ZNF710: variants seen among roughly 807,000 people sequenced by gnomAD.
ZNF710 encodes the protein zinc finger protein 710.
A neutral mutation model predicts 50.6 loss-of-function variants in ZNF710; 13 were observed. The ratio of observed to expected loss-of-function variants is 0.26; its 90% CI spans 0.17 to 0.41. ZNF710 has a LOEUF of 0.41. Among genes scored for constraint, ZNF710 ranks in the 10% least tolerant of loss-of-function variants. The probability of loss-of-function intolerance (pLI) is 1.00; values close to 1 mark genes in which losing one functional copy is unlikely to be tolerated. For synonymous variants in ZNF710, 383 were observed against 397.0 expected, an observed-to-expected ratio of 0.96 and a Z score of 0.42; for missense variants, 721 against 936.6, an observed-to-expected ratio of 0.77 and a Z score of 3.01.
In ZNF710 at chr15:90,034,428, C is replaced by CTGTGTGTG. The variant is rs398028304; in HGVS notation, c.-28-32642_-28-32635dup. On this transcript the variant is annotated intron_variant, in intron 1 of 4. Transcript: ENST00000268154. The surrounding 1 kb of genome is among the most constrained non-coding windows in gnomAD (Gnocchi z 4.0). ...AGCTGTCCTTCCTGTTTCCAAATTC[C>CTGTGTGTG]TGTGTGTGTGTGTGTGTGTGTGTGT... 7.6e-3 allele frequency among the ~76,000 whole-genome samples: 1,037 copies of CTGTGTGTG among 136,228 alleles called. 9 individuals carry two copies. The highest frequency in any genetic ancestry group is 8.3e-3 in the Admixed American group (115 of 13,802). The allele number at this position is 136,228 out of a possible 152,430, so 89.4% of individuals were successfully genotyped here. A position where few individuals can be genotyped will look rare whatever the true frequency, so the allele number is the denominator to read the frequency against.
chr15:90,074,017 A>G (rs1423054409), intron 3 of ZNF710, 99 bp from the exon 4 acceptor site: 1 of 1,344,152 alleles, frequency 7.4e-7, no homozygotes. Flanking sequence ...AAAAAACAAA[A>G]GAATAGGATT....
At chr15:90,025,755 G>A (rs752070303) in intron 1 of ZNF710, 5 of 152,142 alleles carry the variant, frequency 3.3e-5, no homozygotes, top group Non-Finnish European at 7.4e-5. Flanking sequence ...TGCCAGTCGG[G>A]GAGTCCTTTG....
intron 4 of ZNF710, chr15:90,074,612 C>T (rs1463263896): frequency 1.3e-5 from 12 of 942,538 alleles, no homozygotes; most frequent in East Asian, 5.1e-5. Flanking sequence ...TCATTGTCAT[C>T]GTTTTACAGA....
intron 1 of ZNF710, among the ~76,000 whole-genome samples, chr15:90,060,684 GTC>G (rs1247281582): frequency 1.3e-5 from 2 of 151,984 alleles, no homozygotes; most frequent in Admixed American, 6.6e-5. Context: ...TGAACACCTT[GTC>G]TCTATTAAAA....
At position 90,067,802 on chromosome 15, in the gene ZNF710, A is replaced by C. The variant is rs767653010; in HGVS notation, c.665A>C (p.His222Pro). The C allele has an allele frequency of 6.3e-6, 10 of 1,581,606 alleles. No homozygotes were observed. The highest frequency in any genetic ancestry group is 7.7e-6 in the Non-Finnish European group (9 of 1,164,194). ...ACAGAGTGTGGGTTCGAGCCACCCC[A>C]CCTGGCCCCCCTGAGTGACCCCGAG... ...LPTECGFEPP[H>P]LAPLSDPEAP... The change falls in exon 2 of 5, where the codon CAC becomes CCC. Residue 222 changes from histidine to proline, a missense_variant. Transcript: ENST00000268154. The surrounding 1 kb of genome is among the most constrained non-coding windows in gnomAD (Gnocchi z 8.1).
chr15:90,023,931 G>A lies in ZNF710; in HGVS notation c.-29+22317G>A, dbSNP rs145658387. 4.9e-3 allele frequency among the ~76,000 whole-genome samples: 751 copies of A among 152,120 alleles called. 6 individuals are homozygous for A. Among genetic ancestry groups the A allele is most frequent in the African/African-American group, 0.017 (701 of 41,490 alleles). Reference sequence around the variant, plus strand: ...GGCAGATCACTTGAGCCTGGGAGGTGGAGGTTGCAGTGAGCCGAGATCGTG... The same window carrying A: ...GGCAGATCACTTGAGCCTGGGAGGTAGAGGTTGCAGTGAGCCGAGATCGTG... On this transcript the variant is annotated intron_variant, in intron 1 of 4. Transcript: ENST00000268154.
rs913687235 is a variant in ZNF710 at position 90,034,594 on chromosome 15, A to G, written c.-28-32516A>G. ...GGAGGGCCCTCCCTAGCAGCAGGGGAAGCCTGGCAGCTTGGCTGAGCCTCC... is the reference window on the plus strand; with the variant it reads ...GGAGGGCCCTCCCTAGCAGCAGGGGGAGCCTGGCAGCTTGGCTGAGCCTCC... On this transcript the variant is annotated intron_variant, in intron 1 of 4. Transcript: ENST00000268154. This position sits in a 1 kb window ranked among gnomAD's most constrained non-coding sequence, Gnocchi z 4.0. Among the ~76,000 whole-genome samples, 1 of 151,824 alleles carries G rather than the reference A, an allele frequency of 6.6e-6. No individual in the cohort carries two copies. Among genetic ancestry groups the G allele is most frequent in the Non-Finnish European group, 1.5e-5 (1 of 67,944 alleles).
intron 4 of ZNF710, among the ~76,000 whole-genome samples, chr15:90,077,078 C>T (rs948738254): frequency 3.3e-5 from 5 of 152,080 alleles, no homozygotes; most frequent in Admixed American, 3.3e-4. Flanking sequence ...CTAGACAGAA[C>T]GATCTAGTAA....
At chr15:90,007,749 C>T (rs1019926457) in intron 1 of ZNF710, among the ~76,000 whole-genome samples, 1 of 151,374 alleles carries the variant, frequency 6.6e-6, no homozygotes, top group Non-Finnish European at 1.5e-5. Context: ...ACCCTAGTAA[C>T]AGGGCAAGCA....
chr15:90,077,591 G>A (rs1023476538), intron 4 of ZNF710, among the ~76,000 whole-genome samples: 2 of 152,120 alleles, frequency 1.3e-5, no homozygotes, highest in African/African-American at 4.8e-5. Context: ...TGTGTAACAT[G>A]AGGGTGTGGC....
At chr15:90,052,334 C>T (rs1899671522) in intron 1 of ZNF710, among the ~76,000 whole-genome samples, 1 of 152,176 alleles carries the variant, frequency 6.6e-6, no homozygotes, top group Admixed American at 6.5e-5. Flanking sequence ...GGGCCACAGC[C>T]ATCATCGGTT....
At chr15:90,049,120 A>G (rs1899558808) in intron 1 of ZNF710, among the ~76,000 whole-genome samples, 1 of 152,170 alleles carries the variant, frequency 6.6e-6, no homozygotes, top group African/African-American at 2.4e-5. Flanking sequence ...TGTGGTGTAA[A>G]GGCTTAAACT....
Position 90,073,052 on chromosome 15 carries a change from A to T in ZNF710, c.1459-19A>T. On this transcript the variant is annotated intron_variant, in intron 2 of 4. Transcript: ENST00000268154. ...CTGTGCCCATTGTGTGGCCCTGACC[A>T]TCACCCCCCACCCCACAGGGCGTGA... 2.5e-6 allele frequency: 4 copies of T among 1,608,484 alleles called. No homozygotes were observed. The highest frequency in any genetic ancestry group is 3.4e-6 in the Non-Finnish European group (4 of 1,176,240).
intron 1 of ZNF710, among the ~76,000 whole-genome samples, chr15:90,043,906 C>CT (rs200661128): frequency 0.013 from 1,971 of 151,060 alleles, 19 homozygotes; most frequent in Non-Finnish European, 0.016. Flanking sequence ...TATTCAGTTC[C>CT]TTTTTTTTTC....
At chr15:90,023,851 T>C (rs1217880460) in intron 1 of ZNF710, among the ~76,000 whole-genome samples, 2 of 151,936 alleles carry the variant, frequency 1.3e-5, no homozygotes, top group Admixed American at 1.3e-4. Flanking sequence ...ACAAAAAAAT[T>C]AGCTGGACAT....
intron 1 of ZNF710, among the ~76,000 whole-genome samples, chr15:90,033,541 T>C (rs1167940233): frequency 6.6e-6 from 1 of 152,190 alleles, no homozygotes; most frequent in Non-Finnish European, 1.5e-5. Context: ...CCTTGTCCCA[T>C]ATGTTCCTTT....
At chr15:90,004,733 A>G (rs1898095634) in intron 1 of ZNF710, among the ~76,000 whole-genome samples, 2 of 152,238 alleles carry the variant, frequency 1.3e-5, no homozygotes, top group Admixed American at 1.3e-4. Context: ...TGTCTCTGCT[A>G]CTGCTGGGGA....
At chr15:90,012,536 C>A (rs1898342050) in intron 1 of ZNF710, among the ~76,000 whole-genome samples, 1 of 152,056 alleles carries the variant, frequency 6.6e-6, no homozygotes, top group South Asian at 2.1e-4. Flanking sequence ...TCCCAAAGTG[C>A]TGGGATTACA....
chr15:90,074,141 T>G lies in ZNF710; in HGVS notation c.1676T>G (p.Met559Arg). 6.2e-7 allele frequency: 1 copy of G among 1,613,612 alleles called. No individual in the cohort carries two copies. The highest frequency in any genetic ancestry group is 8.5e-7 in the Non-Finnish European group (1 of 1,179,822). ...GTGTGCGGGAAGTCCTTCAACCGCA[T>G]GTACAACCTGCTGGGCCACATGCAC... ...CKVCGKSFNR[M>R]YNLLGHMHLH... Residue 559 changes from methionine to arginine, a missense_variant, in exon 4 of 5, where the codon ATG (methionine) becomes AGG (arginine). Transcript: ENST00000268154.
Sources: gnomAD v4.1 joint callset for allele counts (sites outside exome capture counted in the v4.1 genomes callset) on GRCh38, gnomAD v4.1.1 for gene constraint, Gnocchi (gnomAD v3.1) non-coding constraint, MANE v1.5 for transcripts, NCBI Gene and HGNC (gene_info 2026-07-23, HGNC 2026-07-21) for gene names.